Variants in MYO1B observed in about 807,000 individuals in gnomAD.
The protein encoded by MYO1B is unconventional myosin-Ib.
Under a neutral mutation model 159.7 loss-of-function variants are expected in MYO1B, and 72 were observed. That is an observed-to-expected ratio of 0.45 (90% CI 0.37 to 0.55). The LOEUF (loss-of-function observed/expected upper bound fraction) is 0.55, where lower values mean the gene tolerates loss of function less well. MYO1B is among the 20% of genes least tolerant of loss of function. MYO1B has a pLI of 0.00. For missense variants in MYO1B, 1,062 were observed against 1,364.8 expected, an observed-to-expected ratio of 0.78 and a Z score of 3.50; for synonymous variants, 468 against 473.8, an observed-to-expected ratio of 0.99 and a Z score of 0.16.
chr2:191,300,639 C>CTTTTT (rs1233709923), intron 3 of MYO1B, among the ~76,000 whole-genome samples: 1 of 66,910 alleles, frequency 1.5e-5, no homozygotes, highest in Non-Finnish European at 2.5e-5. Flanking sequence ...TGTGCGCAGC[C>CTTTTT]TTTTTTTTTT....
chr2:191,413,098 T>C (rs1339894674), intron 27 of MYO1B, among the ~76,000 whole-genome samples: 3 of 152,124 alleles, frequency 2.0e-5, no homozygotes, highest in Non-Finnish European at 2.9e-5. Flanking sequence ...TTGAAATAGG[T>C]TTAAGGTTTC....
At chr2:191,341,719 C>T (rs1186305292) in intron 5 of MYO1B, among the ~76,000 whole-genome samples, 154 bp downstream of exon 5, 1 of 152,144 alleles carries the variant, frequency 6.6e-6, no homozygotes, top group Non-Finnish European at 1.5e-5. Context: ...AAGCCGTGTT[C>T]TAGAACCTCT....
At chr2:191,401,121 G>T (rs965898195) in intron 23 of MYO1B, among the ~76,000 whole-genome samples, 5 of 151,954 alleles carry the variant, frequency 3.3e-5, no homozygotes, top group African/African-American at 9.7e-5. Flanking sequence ...GCATGTTTAG[G>T]TTCCCCCCCG....
Position 191,363,709 on chromosome 2 carries a change from T to C in MYO1B, c.766-19T>C. Reference sequence around the variant, plus strand: ...TAACTATAAGAAAAAAATAGTTGCTTTTTTTTTTCTCTCCCCAGAATGCCA... The same window carrying C: ...TAACTATAAGAAAAAAATAGTTGCTCTTTTTTTTCTCTCCCCAGAATGCCA... On this transcript the variant is annotated intron_variant, in intron 9 of 30. Coordinates refer to ENST00000392318, the MANE Select transcript of MYO1B (RefSeq NM_001130158.3). The C allele has an allele frequency of 6.4e-7, 1 of 1,562,738 alleles. No homozygotes were observed. Among genetic ancestry groups the C allele is most frequent in the Non-Finnish European group, 8.6e-7 (1 of 1,161,554 alleles).
intron 11 of MYO1B, among the ~76,000 whole-genome samples, chr2:191,367,407 C>G (rs1694079366): frequency 6.6e-6 from 1 of 152,074 alleles, no homozygotes; most frequent in Non-Finnish European, 1.5e-5. Flanking sequence ...AATTTGAGTG[C>G]CTTTAGCCTG....
intron 4 of MYO1B, among the ~76,000 whole-genome samples, chr2:191,331,990 C>T (rs114618056): frequency 0.011 from 1,691 of 152,302 alleles, 13 homozygotes; most frequent in Non-Finnish European, 0.018. Context: ...GAGACAGAGT[C>T]TCGCTCTTAT....
intron 2 of MYO1B, among the ~76,000 whole-genome samples, chr2:191,281,308 G>A (rs1035999758): frequency 2.0e-5 from 3 of 152,168 alleles, no homozygotes; most frequent in African/African-American, 4.8e-5. Context: ...GGAGATGGAG[G>A]AGGATCAGGT....
chr2:191,267,141 G>A (rs1381351644), intron 1 of MYO1B, among the ~76,000 whole-genome samples: 3 of 152,064 alleles, frequency 2.0e-5, no homozygotes, highest in Admixed American at 1.3e-4. Context: ...TAGATAACCA[G>A]AATGTTGAAT....
In MYO1B at chr2:191,409,121, T is replaced by C; in HGVS notation, c.2709T>C (p.Pro903=). ...TAGACAAGAATTGGCCCTCAAGACC[T>C]TACTTATTCTTGGATTCTACTCACA... ...SPIDKNWPSR[P]YLFLDSTHKE... The change falls in exon 26 of 31, where the codon CCT becomes CCC. Residue 903 remains proline (P), a synonymous_variant. Transcript: ENST00000392318. The C allele has an allele frequency of 6.2e-7, 1 of 1,613,152 alleles. No individual in the cohort carries two copies. Among genetic ancestry groups the C allele is most frequent in the Non-Finnish European group, 8.5e-7 (1 of 1,179,720 alleles).
chr2:191,408,201 CTT>C lies in MYO1B; in HGVS notation c.2631+14_2631+15del, dbSNP rs756854726. 6.3e-7 allele frequency: 1 copy of C among 1,593,946 alleles called. No homozygotes were observed. Among genetic ancestry groups the C allele is most frequent in the East Asian group, 2.2e-5 (1 of 44,724 alleles). On this transcript the variant is annotated intron_variant, in intron 25 of 30. Coordinates refer to ENST00000392318, the MANE Select transcript of MYO1B (RefSeq NM_001130158.3). ...CGCTTCAGAGAATTGTAAGTTGACACTTTATATCTGTGGATAATCAGCATTGT... is the reference window on the plus strand; with the variant it reads ...CGCTTCAGAGAATTGTAAGTTGACACTATATCTGTGGATAATCAGCATTGT...
intron 2 of MYO1B, among the ~76,000 whole-genome samples, chr2:191,284,296 C>A (rs1411456973): frequency 6.6e-6 from 1 of 152,146 alleles, no homozygotes; most frequent in Non-Finnish European, 1.5e-5. Flanking sequence ...TTTAATAATC[C>A]TAATTTCTAA....
intron 1 of MYO1B, among the ~76,000 whole-genome samples, chr2:191,267,885 T>G (rs1687234024): frequency 6.6e-6 from 1 of 152,202 alleles, no homozygotes; most frequent in Non-Finnish European, 1.5e-5. Context: ...CCTTTGCCAG[T>G]TATGACCTGG....
At chr2:191,285,693 C>CGT (rs1285800574) in intron 2 of MYO1B, among the ~76,000 whole-genome samples, 11 of 152,106 alleles carry the variant, frequency 7.2e-5, no homozygotes, top group African/African-American at 2.4e-4. Flanking sequence ...AGTGGACAGC[C>CGT]GATGGAGTAG....
intron 7 of MYO1B, among the ~76,000 whole-genome samples, chr2:191,356,206 A>G (rs911694059): frequency 2.0e-5 from 3 of 152,146 alleles, no homozygotes; most frequent in African/African-American, 7.2e-5. Context: ...CTTCCTGTCT[A>G]TGGGTCAGTT....
At chr2:191,365,784 G>A (rs954952075) in intron 11 of MYO1B, among the ~76,000 whole-genome samples, 4 of 152,204 alleles carry the variant, frequency 2.6e-5, no homozygotes, top group Non-Finnish European at 5.9e-5. Flanking sequence ...GCACATATCA[G>A]AAGAAGGATT....
chr2:191,346,103 T>C (rs781312048), intron 5 of MYO1B, 133 bp from the exon 6 acceptor site: 7 of 716,558 alleles, frequency 9.8e-6, no homozygotes, highest in Non-Finnish European at 1.6e-5. Flanking sequence ...TCTATGGAAG[T>C]TTTGGACAGA....
chr2:191,389,974 C>T (rs894976751), intron 17 of MYO1B, among the ~76,000 whole-genome samples: 6 of 152,166 alleles, frequency 3.9e-5, no homozygotes, highest in African/African-American at 7.2e-5. Flanking sequence ...TTTGCTTGAA[C>T]TTGATATAAA....
intron 1 of MYO1B, among the ~76,000 whole-genome samples, chr2:191,250,123 G>A (rs1055527668): frequency 6.6e-6 from 1 of 152,210 alleles, no homozygotes; most frequent in African/African-American, 2.4e-5. Flanking sequence ...TTGTAGCAGG[G>A]CAGGTGGATG....
Position 191,383,277 on chromosome 2 carries a change from T to C in MYO1B, c.1291-3T>C. ...TTGGATTTTGTTCTGTTTTGTCTTT[T>C]AGGATATAGAATGGACTCACATTGA... is the stretch of plus-strand genomic sequence containing the variant. On this transcript the variant is annotated splice_region_variant and splice_polypyrimidine_tract_variant and intron_variant, in intron 14 of 30. Coordinates refer to ENST00000392318, the MANE Select transcript of MYO1B (RefSeq NM_001130158.3). The C allele has an allele frequency of 6.4e-7, 1 of 1,567,264 alleles. No homozygotes were observed. The highest frequency in any genetic ancestry group is 8.6e-7 in the Non-Finnish European group (1 of 1,157,262).
Sources: allele counts gnomAD v4.1 joint callset (sites outside exome capture counted in the v4.1 genomes callset), GRCh38; gene constraint gnomAD v4.1.1; transcripts MANE v1.5; gene names NCBI Gene and HGNC (gene_info 2026-07-23, HGNC 2026-07-21).